Variants in CCDC3 observed in about 807,000 individuals in gnomAD.
CCDC3 encodes the protein coiled-coil domain-containing protein 3.
CCDC3 carries 24 observed loss-of-function variants against 21.4 expected under a neutral mutation model. That is an observed-to-expected ratio of 1.12 (90% CI 0.81 to 1.58). CCDC3 has a LOEUF of 1.58. CCDC3 is among the 40% of genes most tolerant of loss of function. The pLI is 0.00. For synonymous variants in CCDC3, 186 were observed against 166.0 expected (o/e 1.12, Z -0.93); for missense variants, 425 against 360.9 (o/e 1.18, Z -1.44).
intron 3 of CCDC3, among the ~76,000 whole-genome samples, chr10:13,077,834 C>T (rs1275945539): frequency 2.6e-5 from 4 of 152,220 alleles, no homozygotes; most frequent in Admixed American, 2.6e-4. Flanking sequence ...GGATCCCTTC[C>T]TTACACCTTG....
chr10:13,073,887 T>C (rs4750306), exon 4 of CCDC3: 32,219 of 151,754 alleles, frequency 0.21, 3,946 homozygotes, highest in East Asian at 0.31. Context: ...TTTCTTTTCT[T>C]CCCTTCCACA....
At chr10:12,945,162 A>G (rs1319926833) in intron 2 of CCDC3, among the ~76,000 whole-genome samples, 4 of 152,214 alleles carry the variant, frequency 2.6e-5, no homozygotes, top group Non-Finnish European at 5.9e-5. Flanking sequence ...AAATTTGTCA[A>G]TCTACAGACA....
At chr10:13,090,034 GATATATATATATATAT>G (rs66476163) in intron 3 of CCDC3, among the ~76,000 whole-genome samples, 67,891 of 129,120 alleles carry the variant, frequency 0.53, 18,648 homozygotes, top group South Asian at 0.63. Flanking sequence ...TATTCCGTTA[GATATATATATATATAT>G]ATATATATAT....
chr10:13,075,020 A>G (rs754194188), intron 3 of CCDC3, among the ~76,000 whole-genome samples: 3 of 152,180 alleles, frequency 2.0e-5, no homozygotes, highest in Admixed American at 6.5e-5. Context: ...TCTGCTGGAC[A>G]TGGACAAACA....
intron 5 of CCDC3, among the ~76,000 whole-genome samples, chr10:13,048,484 A>T (rs138003616): frequency 6.0e-4 from 92 of 152,136 alleles, no homozygotes; most frequent in African/African-American, 2.2e-3. Flanking sequence ...GAGCCACTGC[A>T]CCTGGCCAGG....
chr10:12,925,632 C>A (rs1291725046), intron 2 of CCDC3, among the ~76,000 whole-genome samples: 1 of 152,254 alleles, frequency 6.6e-6, no homozygotes, highest in South Asian at 2.1e-4. Flanking sequence ...GGTCTTAACT[C>A]TTGCCTCTGG....
At chr10:13,030,139 T>C (rs763790865) in intron 5 of CCDC3, among the ~76,000 whole-genome samples, 17 of 152,270 alleles carry the variant, frequency 1.1e-4, no homozygotes, top group Non-Finnish European at 1.8e-4. Flanking sequence ...TAACAGCAGA[T>C]CTCTCAGCAG....
At chr10:12,901,403 G>C (rs561314379) in intron 2 of CCDC3, among the ~76,000 whole-genome samples, 1 of 152,210 alleles carries the variant, frequency 6.6e-6, no homozygotes, top group South Asian at 2.1e-4. Context: ...CTGAGTAGTA[G>C]CTGGGACTAC....
chr10:12,929,990 T>C (rs940766629), intron 2 of CCDC3, among the ~76,000 whole-genome samples: 1 of 152,182 alleles, frequency 6.6e-6, no homozygotes, highest in African/African-American at 2.4e-5. Flanking sequence ...CCATTGAAAT[T>C]TTTTTATGAG....
chr10:13,080,038 G>A (rs1490949134), intron 3 of CCDC3, among the ~76,000 whole-genome samples: 4 of 152,222 alleles, frequency 2.6e-5, no homozygotes, highest in Non-Finnish European at 5.9e-5. Flanking sequence ...GGAAGACAAG[G>A]GGGCCCTCTG....
chr10:13,067,276 G>A (rs1588413183), intron 4 of CCDC3, among the ~76,000 whole-genome samples: 1 of 152,208 alleles, frequency 6.6e-6, no homozygotes, highest in Admixed American at 6.5e-5. Context: ...CCCTGTCGGA[G>A]GAACCCATTT....
At chr10:12,921,108 C>G (rs2131216352) in intron 2 of CCDC3, among the ~76,000 whole-genome samples, 1 of 152,142 alleles carries the variant, frequency 6.6e-6, no homozygotes, top group South Asian at 2.1e-4. Context: ...TTTTAGTTAC[C>G]AAAAAAATAA....
intron 5 of CCDC3, among the ~76,000 whole-genome samples, chr10:13,009,788 A>T (rs1835963541): frequency 6.6e-6 from 1 of 152,214 alleles, no homozygotes; most frequent in Non-Finnish European, 1.5e-5. Flanking sequence ...TAAAACTATA[A>T]AACATCTAGG....
chr10:13,061,858 C>T (rs1836761362), intron 4 of CCDC3, among the ~76,000 whole-genome samples: 1 of 152,108 alleles, frequency 6.6e-6, no homozygotes, highest in Non-Finnish European at 1.5e-5. Context: ...GTTTCCTATT[C>T]AGACCTTTAG....
At chr10:13,031,772 C>T (rs1436227373) in intron 5 of CCDC3, among the ~76,000 whole-genome samples, 1 of 151,986 alleles carries the variant, frequency 6.6e-6, no homozygotes, top group African/African-American at 2.4e-5. Context: ...ACACATACAC[C>T]CTCCCAAGAC....
intron 2 of CCDC3, among the ~76,000 whole-genome samples, chr10:12,966,203 T>G (rs949785082): frequency 1.3e-5 from 2 of 151,848 alleles, no homozygotes; most frequent in African/African-American, 4.8e-5. Flanking sequence ...CATATTACTA[T>G]ATGGTACTCA....
chr10:13,035,756 A>T (rs73571912), intron 5 of CCDC3, among the ~76,000 whole-genome samples: 1,606 of 152,362 alleles, frequency 0.011, 23 homozygotes, highest in African/African-American at 0.036. Flanking sequence ...CTGGGAAGAC[A>T]TTCAGAAAAT....
chr10:13,096,125 T>C (rs1832626301), intron 3 of CCDC3, among the ~76,000 whole-genome samples: 1 of 151,612 alleles, frequency 6.6e-6, no homozygotes, highest in Non-Finnish European at 1.5e-5. Context: ...CTTCCTTCCC[T>C]CCTTCCTTTC....
chr10:12,916,928 G>A (rs185161485), intron 2 of CCDC3, among the ~76,000 whole-genome samples: 91 of 152,272 alleles, frequency 6.0e-4, no homozygotes, highest in Middle Eastern at 6.8e-3. Context: ...GGTTGGGCCC[G>A]GAGACCAAGT....
Sources: allele counts gnomAD v4.1 joint callset (sites outside exome capture counted in the v4.1 genomes callset), GRCh38; gene constraint gnomAD v4.1.1; transcripts MANE v1.5; gene names NCBI Gene and HGNC (gene_info 2026-07-23, HGNC 2026-07-21).